GRM7: variants seen among roughly 807,000 people sequenced by gnomAD.
GRM7 encodes metabotropic glutamate receptor 7.
Under a neutral mutation model 84.5 loss-of-function variants are expected in GRM7, and 35 were observed. The observed-to-expected ratio is 0.41, with a 90% CI of 0.32 to 0.55. The LOEUF is 0.55. GRM7 is among the 20% of genes least tolerant of loss of function. GRM7 has a pLI of 0.19. For missense variants in GRM7, 1,003 were observed against 1,194.6 expected, an observed-to-expected ratio of 0.84 and a Z score of 2.36; for synonymous variants, 487 against 455.1, an observed-to-expected ratio of 1.07 and a Z score of -0.89.
intron 1 of GRM7, among the ~76,000 whole-genome samples, chr3:7,136,828 C>T (rs1478810740): frequency 6.6e-6 from 1 of 152,010 alleles, no homozygotes; most frequent in Non-Finnish European, 1.5e-5. Flanking sequence ...TCTTTTTCTT[C>T]CATAAGGGTA....
At chr3:7,271,650 C>T (rs1046275372) in intron 2 of GRM7, among the ~76,000 whole-genome samples, 1 of 151,856 alleles carries the variant, frequency 6.6e-6, no homozygotes, top group African/African-American at 2.4e-5. Context: ...TAACAAGGTC[C>T]CTAGCTGATT....
chr3:6,873,390 A>AAT (rs1487531222), intron 1 of GRM7, among the ~76,000 whole-genome samples: 2 of 152,072 alleles, frequency 1.3e-5, no homozygotes, highest in African/African-American at 4.8e-5. Flanking sequence ...TTTGTATATA[A>AAT]ATATATATAC....
intron 9 of GRM7, among the ~76,000 whole-genome samples, chr3:7,698,084 T>C (rs960195949): frequency 2.0e-5 from 3 of 151,820 alleles, no homozygotes; most frequent in African/African-American, 7.3e-5. Context: ...CCTCCAAGAG[T>C]TTGCAATTAA....
At chr3:7,517,936 A>G (rs1042029570) in intron 7 of GRM7, among the ~76,000 whole-genome samples, 3 of 152,206 alleles carry the variant, frequency 2.0e-5, no homozygotes, top group African/African-American at 7.2e-5. Flanking sequence ...TTTACATCTA[A>G]TTGGTGAAAG....
chr3:7,335,094 A>G (rs1278789709), intron 4 of GRM7, among the ~76,000 whole-genome samples: 1 of 152,190 alleles, frequency 6.6e-6, no homozygotes, highest in Non-Finnish European at 1.5e-5. Flanking sequence ...ATTCTACTCA[A>G]CAACTATAGA....
intron 2 of GRM7, among the ~76,000 whole-genome samples, chr3:7,240,659 C>G (rs568305916): frequency 1.8e-4 from 27 of 152,076 alleles, no homozygotes; most frequent in African/African-American, 6.5e-4. Context: ...CATTGCTTTT[C>G]GGGAAGATTT....
intron 4 of GRM7, among the ~76,000 whole-genome samples, chr3:7,386,390 G>A (rs1315316373): frequency 6.6e-6 from 1 of 152,116 alleles, no homozygotes; most frequent in Non-Finnish European, 1.5e-5. Context: ...ATGCATAGTA[G>A]CCAATAGTTA....
intron 2 of GRM7, among the ~76,000 whole-genome samples, chr3:7,297,750 C>T (rs946939578): frequency 2.6e-5 from 4 of 152,180 alleles, no homozygotes; most frequent in African/African-American, 9.7e-5. Flanking sequence ...AGGTTTTTTA[C>T]CTGTCTCTGC....
intron 7 of GRM7, among the ~76,000 whole-genome samples, chr3:7,467,382 G>A (rs779715): frequency 0.012 from 1,791 of 152,166 alleles, 18 homozygotes; most frequent in Admixed American, 0.018. Flanking sequence ...CCACCACGCC[G>A]GGCGCCAAGT....
chr3:7,532,916 A>G (rs1300524425), intron 7 of GRM7, among the ~76,000 whole-genome samples: 3 of 151,862 alleles, frequency 2.0e-5, no homozygotes, highest in Non-Finnish European at 4.4e-5. Context: ...TACTTACATA[A>G]TGGTAAAGGG....
Position 7,597,097 on chromosome 3 carries a change from G to C in GRM7, c.2451+17740G>C, listed in dbSNP as rs114953461. 5.7e-3 allele frequency among the ~76,000 whole-genome samples: 873 copies of C among 152,270 alleles called. 9 individuals are homozygous for C. The highest frequency in any genetic ancestry group is 0.02 in the African/African-American group (834 of 41,554). On this transcript the variant is annotated intron_variant, in intron 8 of 9. Coordinates refer to ENST00000357716, the MANE Select transcript of GRM7 (RefSeq NM_000844.4). ...TTTATAAAGAAAAGAGGCTTAATTG[G>C]CTCATGGTTCTGTAGGCTTTCCAGG...
At chr3:7,064,307 C>T (rs13327504) in intron 1 of GRM7, among the ~76,000 whole-genome samples, 63,828 of 148,916 alleles carry the variant, frequency 0.43, 13,928 homozygotes, top group African/African-American at 0.53. Context: ...ATAGCTTAGC[C>T]CCCACATATC....
chr3:7,629,142 T>A (rs1044256166), intron 8 of GRM7, among the ~76,000 whole-genome samples: 1 of 152,208 alleles, frequency 6.6e-6, no homozygotes, highest in Non-Finnish European at 1.5e-5. Flanking sequence ...GGGATAGCTG[T>A]ATTCATCATT....
intron 7 of GRM7, among the ~76,000 whole-genome samples, chr3:7,462,184 AC>A (rs1180622285): frequency 6.6e-6 from 1 of 151,964 alleles, no homozygotes; most frequent in East Asian, 1.9e-4. Flanking sequence ...CATTTCTGTA[AC>A]CTCTCCCACT....
intron 8 of GRM7, among the ~76,000 whole-genome samples, chr3:7,631,135 G>A (rs1697842697): frequency 6.6e-6 from 1 of 152,212 alleles, no homozygotes; most frequent in Non-Finnish European, 1.5e-5. Context: ...GACAGCAGGA[G>A]TACAATCACC....
intron 2 of GRM7, among the ~76,000 whole-genome samples, chr3:7,206,782 G>A (rs1252565946): frequency 1.3e-5 from 2 of 152,178 alleles, no homozygotes; most frequent in East Asian, 1.9e-4. Context: ...ACAAGGTGAT[G>A]TAAAGGAAAT....
At chr3:7,438,700 C>T (rs1417086084) in intron 5 of GRM7, among the ~76,000 whole-genome samples, 1 of 152,120 alleles carries the variant, frequency 6.6e-6, no homozygotes, top group Non-Finnish European at 1.5e-5. Context: ...TCCTGCCCTT[C>T]AGTCTTCTGC....
chr3:7,527,108 G>T (rs1211759023), intron 7 of GRM7, among the ~76,000 whole-genome samples: 1 of 151,876 alleles, frequency 6.6e-6, no homozygotes, highest in Non-Finnish European at 1.5e-5. Flanking sequence ...TACGTACATT[G>T]CTTTGAGCAG....
intron 2 of GRM7, among the ~76,000 whole-genome samples, chr3:7,222,136 AC>A (rs1696826828): frequency 6.6e-6 from 1 of 151,268 alleles, no homozygotes; most frequent in Non-Finnish European, 1.5e-5. Context: ...CTTAAAAAAA[AC>A]CAGCCCTCTT....
Sources: allele counts gnomAD v4.1 joint callset (sites outside exome capture counted in the v4.1 genomes callset), GRCh38; gene constraint gnomAD v4.1.1; transcripts MANE v1.5; gene names NCBI Gene and HGNC (gene_info 2026-07-23, HGNC 2026-07-21).